The following STIL variants were observed in gnomAD, a reference collection of about 807,000 sequenced individuals.
STIL encodes the protein SCL-interrupting locus protein.
Under a neutral mutation model 110.1 loss-of-function variants are expected in STIL, and 55 were observed. The observed-to-expected ratio is 0.50, with a 90% CI of 0.40 to 0.63. The LOEUF is 0.63. STIL is among the 20% of genes least tolerant of loss of function. STIL has a pLI of 0.00. For synonymous variants in STIL, 481 were observed against 530.0 expected, an observed-to-expected ratio of 0.91 and a Z score of 1.27; for missense variants, 1,358 against 1,530.0, an observed-to-expected ratio of 0.89 and a Z score of 1.87.
intron 16 of STIL, among the ~76,000 whole-genome samples, chr1:47,258,099 C>T (rs527642034): frequency 1.5e-4 from 23 of 152,298 alleles, no homozygotes; most frequent in African/African-American, 5.1e-4. Context: ...AAAAGATCAT[C>T]ACAGCAACAT....
chr1:47,288,297 T>C (rs1416475408), intron 9 of STIL, among the ~76,000 whole-genome samples: 3 of 151,996 alleles, frequency 2.0e-5, no homozygotes, highest in African/African-American at 7.2e-5. Flanking sequence ...AAAGATCTAC[T>C]TCCTCTTTTT....
At position 47,299,927 on chromosome 1, in the gene STIL, C is replaced by G. The variant is rs1252136651; in HGVS notation, c.679G>C (p.Val227Leu). Residue 227 changes from valine (V) to leucine (L), a missense_variant, in exon 6 of 17, where the codon GTT becomes CTT. Coordinates refer to ENST00000371877, the MANE Select transcript of STIL (RefSeq NM_001048166.1). The part of the protein sequence containing the change: ...NLSSNLNISQ[V>L]QGTYKYGYLT... The stretch of plus-strand genomic sequence containing the variant: ...TACCCATATTTATAAGTCCCTTGAA[C>G]TTGAGAAATATTCAGATTACTGCTC... 6.2e-7 allele frequency: 1 copy of G among 1,613,870 alleles called. No homozygotes were observed. The highest frequency in any genetic ancestry group is 8.5e-7 in the Non-Finnish European group (1 of 1,179,928).
rs55650175 is a variant in STIL at position 47,270,241 on chromosome 1, A to AAT, written c.2384-377_2384-376dup. 4.5e-3 allele frequency among the ~76,000 whole-genome samples: 529 copies of AAT among 118,610 alleles called. 10 individuals are homozygous for AAT. The highest frequency in any genetic ancestry group is 0.018 in the African/African-American group (496 of 27,710). The allele number at this position is 118,610 out of a possible 152,430, so 77.8% of individuals were successfully genotyped here. A position where few individuals can be genotyped will look rare whatever the true frequency, so the allele number is the denominator to read the frequency against. ...CAACTCTGGCTCAAAAAAAAAAAAA[A>AAT]ATATATATATATATACACACACACA... On this transcript the variant is annotated intron_variant, in intron 13 of 16. Transcript: ENST00000371877.
chr1:47,260,610 C>T, intron 15 of STIL, 71 bp from the exon 16 acceptor site: 5 of 1,503,914 alleles, frequency 3.3e-6, no homozygotes, highest in Middle Eastern at 3.6e-4. Context: ...TGGTGGTTCA[C>T]ACCTATAATC....
intron 16 of STIL, among the ~76,000 whole-genome samples, chr1:47,254,044 G>A (rs1644258852): frequency 6.6e-6 from 1 of 151,970 alleles, no homozygotes; most frequent in African/African-American, 2.4e-5. Context: ...AGCTGGGCGT[G>A]GTGGCGGGTG....
chr1:47,301,165 C>T (rs1645792978), intron 5 of STIL, among the ~76,000 whole-genome samples: 1 of 152,086 alleles, frequency 6.6e-6, no homozygotes, highest in Non-Finnish European at 1.5e-5. Context: ...CACGGCTCAA[C>T]CTCCCGGGCT....
intron 6 of STIL, chr1:47,299,701 A>G (rs1645747073): frequency 1.8e-6 from 1 of 561,428 alleles, no homozygotes. Flanking sequence ...CCCTACCACC[A>G]ATTTTTTGTA....
intron 3 of STIL, among the ~76,000 whole-genome samples, chr1:47,303,106 A>G (rs966587921): frequency 1.3e-5 from 2 of 152,238 alleles, no homozygotes; most frequent in African/African-American, 4.8e-5. Flanking sequence ...TTGAATAAAA[A>G]AGCCATACAG....
intron 12 of STIL, 47 bp from the exon 13 acceptor site, chr1:47,272,288 C>G: frequency 1.2e-6 from 2 of 1,600,956 alleles, no homozygotes; most frequent in Non-Finnish European, 1.7e-6. Flanking sequence ...AAGTAATCAA[C>G]AAAACTGGCA....
chr1:47,284,816 C>T (rs1017349368), intron 10 of STIL, among the ~76,000 whole-genome samples: 2 of 151,204 alleles, frequency 1.3e-5, no homozygotes, highest in African/African-American at 2.4e-5. Context: ...CTTGAACCTG[C>T]GAAGTGGAGG....
chr1:47,309,294 T>G (rs1374109051), intron 2 of STIL, among the ~76,000 whole-genome samples: 1 of 152,038 alleles, frequency 6.6e-6, no homozygotes, highest in Non-Finnish European at 1.5e-5. Context: ...CTTCTAAGAA[T>G]AGAAGACAAA....
intron 12 of STIL, among the ~76,000 whole-genome samples, chr1:47,274,241 T>C (rs1644921703): frequency 6.6e-6 from 1 of 152,240 alleles, no homozygotes; most frequent in African/African-American, 2.4e-5. Flanking sequence ...GGTCCTAAAA[T>C]TGATCACTCA....
chr1:47,268,318 C>T (rs376226323), intron 14 of STIL, among the ~76,000 whole-genome samples: 8 of 152,026 alleles, frequency 5.3e-5, no homozygotes, highest in Middle Eastern at 3.4e-3. Flanking sequence ...TGGTGGCGCA[C>T]GCCTGTAATC....
intron 13 of STIL, among the ~76,000 whole-genome samples, chr1:47,270,613 CATCTGTAAT>C (rs1644806896): frequency 6.8e-6 from 1 of 147,766 alleles, no homozygotes; most frequent in East Asian, 2.0e-4. Context: ...ATGCATCAGA[CATCTGTAAT>C]ATCTGTAATA....
intron 12 of STIL, among the ~76,000 whole-genome samples, chr1:47,275,210 A>G (rs1255833400): frequency 1.3e-5 from 2 of 152,108 alleles, no homozygotes. Context: ...TGTATTTATT[A>G]AATAAATATG....
intron 15 of STIL, among the ~76,000 whole-genome samples, chr1:47,262,619 T>C (rs1008571479): frequency 6.6e-6 from 1 of 152,244 alleles, no homozygotes; most frequent in Non-Finnish European, 1.5e-5. Context: ...CGAGAAACTC[T>C]TGCTTATTTT....
At chr1:47,310,178 C>T (rs1646080758) in intron 2 of STIL, 98 bp downstream of exon 2, 28 of 1,233,082 alleles carry the variant, frequency 2.3e-5, no homozygotes, top group Non-Finnish European at 3.1e-5. Flanking sequence ...CCCAGAATTT[C>T]CTGATTCTAA....
Position 47,269,650 on chromosome 1 carries a change from G to A in STIL, c.2600C>T (p.Pro867Leu), listed in dbSNP as rs1644760953. 5 of 1,613,900 alleles carry A rather than the reference G, an allele frequency of 3.1e-6. No individual in the cohort carries two copies. Among genetic ancestry groups the A allele is most frequent in the East Asian group, 4.5e-5 (2 of 44,876 alleles). Residue 867 changes from proline to leucine, a missense_variant, in exon 14 of 17, where the codon CCA becomes CTA. Physicochemically the swap from Pro to Leu is moderately conservative, Grantham distance 98 (BLOSUM62 -3). Transcript: ENST00000371877. ...GAGACCTTACTTGGATACAGAAAGT[G>A]GCTGGTTAAATTCTTCTTCCACAGC... Reference protein sequence around the residue: ...NIAVEEEFNQPLSVSNSSSLV... With the variant: ...NIAVEEEFNQLLSVSNSSSLV...
At chr1:47,267,705 C>CTTTTTTT (rs1644694462) in intron 14 of STIL, among the ~76,000 whole-genome samples, 2 of 53,360 alleles carry the variant, frequency 3.7e-5, no homozygotes, top group African/African-American at 1.9e-4. Context: ...CTTTAGAATC[C>CTTTTTTT]GTTTTTTGTT....
Sources: gnomAD v4.1 joint callset for allele counts (sites outside exome capture counted in the v4.1 genomes callset) on GRCh38, gnomAD v4.1.1 for gene constraint, MANE v1.5 for transcripts, NCBI Gene and HGNC (gene_info 2026-07-23, HGNC 2026-07-21) for gene names.